EXOC4: variants seen among roughly 807,000 people sequenced by gnomAD.
The protein encoded by EXOC4 is exocyst complex component 4, also known as SEC8-like 1.
A neutral mutation model predicts 107.2 loss-of-function variants in EXOC4; 71 were observed. That is an observed-to-expected ratio of 0.66 (90% CI 0.55 to 0.81). The LOEUF (loss-of-function observed/expected upper bound fraction) is 0.81, where lower values mean the gene tolerates loss of function less well. Among genes scored for constraint, EXOC4 ranks in the 30% least tolerant of loss-of-function variants. The probability of loss-of-function intolerance (pLI) is 0.00; values close to 1 mark genes in which losing one functional copy is unlikely to be tolerated. For missense variants in EXOC4, 1,108 were observed against 1,189.6 expected (o/e 0.93, Z 1.01); for synonymous variants, 456 against 441.2 (o/e 1.03, Z -0.42).
chr7:134,064,377 A>G lies in EXOC4; in HGVS notation c.2774A>G (p.Tyr925Cys), dbSNP rs934708466. 11 of 1,583,116 alleles carry G rather than the reference A, an allele frequency of 6.9e-6. No homozygotes were observed. In the African/African-American group the frequency reaches 1.5e-4, roughly 22 times the overall value. Residue 925 changes from tyrosine to cysteine, a missense_variant, in exon 18 of 18, where the codon TAC (tyrosine) becomes TGC (cysteine). By Grantham distance (194) the Tyr-to-Cys change is radical. Coordinates refer to ENST00000253861, the MANE Select transcript of EXOC4 (RefSeq NM_021807.4). ...GGTGTGAAGTACACGGAGCTGGAGT[A>G]CATCCACGCTCTGACCCTGCTGCAC... ...DQGVKYTELE[Y>C]IHALTLLHRS... is the part of the protein sequence containing the mutation.
intron 10 of EXOC4, among the ~76,000 whole-genome samples, chr7:133,650,262 GT>G (rs1037383279): frequency 3.3e-5 from 5 of 152,022 alleles, no homozygotes; most frequent in Non-Finnish European, 5.9e-5. Context: ...AATACTTTGT[GT>G]TTTCACTTGA....
chr7:133,615,403 A>G (rs1802171473), intron 9 of EXOC4, among the ~76,000 whole-genome samples: 1 of 152,204 alleles, frequency 6.6e-6, no homozygotes, highest in Non-Finnish European at 1.5e-5. Flanking sequence ...ATAACAATAC[A>G]GTATAACACA....
In EXOC4 at chr7:133,328,175, C is replaced by A. The variant is rs1192555743; in HGVS notation, c.763+10785C>A. On this transcript the variant is annotated intron_variant, in intron 5 of 17. Coordinates refer to ENST00000253861, the MANE Select transcript of EXOC4 (RefSeq NM_021807.4). ...TCTTCTTGTTGAATTGATCCCTTTACCAATATGTACTGGCCTTGTCTCTTT... is the reference window on the plus strand; with the variant it reads ...TCTTCTTGTTGAATTGATCCCTTTAACAATATGTACTGGCCTTGTCTCTTT... 2.0e-5 allele frequency among the ~76,000 whole-genome samples: 3 copies of A among 152,014 alleles called. No homozygotes were observed. The East Asian group carries it at 5.8e-4, about 29-fold the overall frequency.
intron 12 of EXOC4, among the ~76,000 whole-genome samples, chr7:133,910,570 T>C (rs1427542736): frequency 6.6e-6 from 1 of 152,200 alleles, no homozygotes; most frequent in Non-Finnish European, 1.5e-5. Flanking sequence ...TGTGTGTTGC[T>C]CCATCTTAAC....
chr7:133,742,037 G>T (rs1363093237), intron 10 of EXOC4, among the ~76,000 whole-genome samples: 1 of 152,182 alleles, frequency 6.6e-6, no homozygotes, highest in Non-Finnish European at 1.5e-5. Context: ...TGCTGTTGTT[G>T]TTATTATAAT....
At chr7:133,796,569 C>G (rs1427075203) in intron 10 of EXOC4, among the ~76,000 whole-genome samples, 1 of 152,064 alleles carries the variant, frequency 6.6e-6, no homozygotes, top group African/African-American at 2.4e-5. Flanking sequence ...ACCATCCTGG[C>G]CAACATGGTG....
intron 14 of EXOC4, among the ~76,000 whole-genome samples, chr7:133,939,083 T>C (rs562388509): frequency 3.2e-4 from 49 of 152,118 alleles, no homozygotes; most frequent in African/African-American, 9.6e-4. Flanking sequence ...AATGGAGAGA[T>C]AGAAACAGGA....
At chr7:133,659,752 C>G (rs1803394512) in intron 10 of EXOC4, among the ~76,000 whole-genome samples, 2 of 152,260 alleles carry the variant, frequency 1.3e-5, no homozygotes, top group South Asian at 4.1e-4. Context: ...TCCCCGATTT[C>G]CCATTTGGTG....
At chr7:133,941,632 C>G (rs1010760511) in intron 14 of EXOC4, among the ~76,000 whole-genome samples, 11 of 152,188 alleles carry the variant, frequency 7.2e-5, no homozygotes, top group Admixed American at 2.6e-4. Context: ...CCTGTTCCTT[C>G]TCCTCTGGTA....
intron 11 of EXOC4, among the ~76,000 whole-genome samples, chr7:133,884,310 T>C (rs1799030776): frequency 6.6e-6 from 1 of 152,158 alleles, no homozygotes; most frequent in African/African-American, 2.4e-5. Context: ...ATGCAGTTTA[T>C]AGAGCATTTC....
intron 16 of EXOC4, among the ~76,000 whole-genome samples, chr7:134,005,563 A>G (rs1014699435): frequency 2.6e-5 from 4 of 152,226 alleles, no homozygotes; most frequent in African/African-American, 7.2e-5. Flanking sequence ...GGACGTGTCC[A>G]TAAATGCCTC....
At position 133,384,735 on chromosome 7, in the gene EXOC4, T is replaced by TAA. The variant is rs11396470; in HGVS notation, c.1182+9744_1182+9745dup. The stretch of plus-strand genomic sequence containing the variant: ...TCTTTTTTTTTTTTTTAAGCGTATT[T>TAA]AAAAAAAAAAAACGTTTTCTGATTG... On this transcript the variant is annotated intron_variant, in intron 7 of 17. Coordinates refer to ENST00000253861, the MANE Select transcript of EXOC4 (RefSeq NM_021807.4). 2.6e-3 allele frequency among the ~76,000 whole-genome samples: 356 copies of TAA among 136,558 alleles called. 3 individuals carry two copies. The highest frequency in any genetic ancestry group is 6.5e-3 in the East Asian group (31 of 4,804). The allele number at this position is 136,558 out of a possible 152,430, so 89.6% of individuals were successfully genotyped here. A position where few individuals can be genotyped will look rare whatever the true frequency, so the allele number is the denominator to read the frequency against.
intron 11 of EXOC4, among the ~76,000 whole-genome samples, chr7:133,826,945 T>C (rs1797718239): frequency 6.6e-6 from 1 of 152,224 alleles, no homozygotes; most frequent in Non-Finnish European, 1.5e-5. Context: ...GTCATTTTGA[T>C]TCCTCTTCAG....
At chr7:133,398,734 A>G (rs927462722) in intron 7 of EXOC4, among the ~76,000 whole-genome samples, 1 of 152,118 alleles carries the variant, frequency 6.6e-6, no homozygotes, top group Admixed American at 6.6e-5. Context: ...CTGAATTTCT[A>G]GGGACGAAAG....
intron 10 of EXOC4, among the ~76,000 whole-genome samples, chr7:133,729,227 T>G (rs1212289478): frequency 6.6e-6 from 1 of 152,078 alleles, no homozygotes; most frequent in Non-Finnish European, 1.5e-5. Flanking sequence ...TTGAGGCAAG[T>G]TGTGAGAAGA....
intron 9 of EXOC4, among the ~76,000 whole-genome samples, chr7:133,485,938 C>T (rs1038364884): frequency 4.6e-5 from 7 of 151,944 alleles, no homozygotes; most frequent in African/African-American, 1.7e-4. Flanking sequence ...AATGTATACT[C>T]AATTTCCATT....
chr7:134,086,606 G>C, the EXOC4 span, among the ~76,000 whole-genome samples: 2 of 152,278 alleles, frequency 1.3e-5, no homozygotes, highest in Middle Eastern at 6.8e-3. Context: ...TCCCTCTCAA[G>C]GCAGTGGTTC....
rs558113339 is a variant in EXOC4 at position 133,776,441 on chromosome 7, C to T, written c.1515-40884C>T. ...TGTCTCTTGTTCCAGACATTTGGCA[C>T]GTGTTGCCCCAAGCCCAATTCCTTT... On this transcript the variant is annotated intron_variant, in intron 10 of 17. Transcript: ENST00000253861. Among the ~76,000 whole-genome samples the T allele has an allele frequency of 6.6e-5, 10 of 152,234 alleles. No homozygotes were observed. The South Asian group carries it at 1.7e-3, about 25-fold the overall frequency.
At chr7:133,405,312 G>T (rs528791817) in intron 7 of EXOC4, among the ~76,000 whole-genome samples, 2 of 152,028 alleles carry the variant, frequency 1.3e-5, no homozygotes, top group African/African-American at 2.4e-5. Context: ...GGAGGGAAAA[G>T]ATCTGGAATA....
Sources: gnomAD v4.1 joint callset for allele counts (sites outside exome capture counted in the v4.1 genomes callset) on GRCh38, gnomAD v4.1.1 for gene constraint, MANE v1.5 for transcripts, NCBI Gene and HGNC (gene_info 2026-07-23, HGNC 2026-07-21) for gene names.